The following KAT2B variants were observed in gnomAD, a reference collection of about 807,000 sequenced individuals.
KAT2B encodes the protein histone acetyltransferase KAT2B.
Under a neutral mutation model 105.9 loss-of-function variants are expected in KAT2B, and 36 were observed. That is an observed-to-expected ratio of 0.34 (90% CI 0.26 to 0.45). The LOEUF is 0.45. Among genes scored for constraint, KAT2B ranks in the 20% least tolerant of loss-of-function variants. The pLI, the probability that KAT2B is intolerant of heterozygous loss-of-function variation, is 1.00. For synonymous variants in KAT2B, 397 were observed against 377.9 expected, an observed-to-expected ratio of 1.05 and a Z score of -0.59; for missense variants, 820 against 1,021.6, an observed-to-expected ratio of 0.80 and a Z score of 2.69.
chr3:20,068,099 C>T (rs146392085), intron 1 of KAT2B, among the ~76,000 whole-genome samples: 2,585 of 151,860 alleles, frequency 0.017, 78 homozygotes, highest in African/African-American at 0.059. Flanking sequence ...CGGGTTCAAG[C>T]GATTCTGCTG....
At chr3:20,150,741 A>G (rs904063386) in intron 17 of KAT2B, among the ~76,000 whole-genome samples, 1 of 152,242 alleles carries the variant, frequency 6.6e-6, no homozygotes, top group Non-Finnish European at 1.5e-5. Context: ...AGAAAAGTCC[A>G]GACACCGCCA....
chr3:20,102,750 A>G (rs371030771), intron 5 of KAT2B, among the ~76,000 whole-genome samples: 1 of 152,326 alleles, frequency 6.6e-6, no homozygotes, highest in East Asian at 1.9e-4. Context: ...ATTCTTTTCA[A>G]CTTTTTTATA....
intron 2 of KAT2B, among the ~76,000 whole-genome samples, chr3:20,090,927 T>G (rs527994310): frequency 6.6e-6 from 1 of 152,090 alleles, no homozygotes; most frequent in African/African-American, 2.4e-5. Flanking sequence ...TTTATTTTTA[T>G]TTTTTGTAGA....
chr3:20,127,168 T>C (rs1699420412), intron 10 of KAT2B, among the ~76,000 whole-genome samples: 1 of 152,160 alleles, frequency 6.6e-6, no homozygotes, highest in South Asian at 2.1e-4. Flanking sequence ...TGTTCTCTAT[T>C]TGTAAACCTC....
chr3:20,074,765 A>G (rs547520491), intron 2 of KAT2B, among the ~76,000 whole-genome samples: 1 of 152,170 alleles, frequency 6.6e-6, no homozygotes, highest in Non-Finnish European at 1.5e-5. Flanking sequence ...TGAATCATTT[A>G]GGATTCAACT....
chr3:20,107,514 C>T (rs1471462654), intron 5 of KAT2B, among the ~76,000 whole-genome samples: 1 of 150,898 alleles, frequency 6.6e-6, no homozygotes, highest in African/African-American at 2.4e-5. Flanking sequence ...AAAAATTAGC[C>T]AGGCATGGTG....
At chr3:20,116,820 G>A (rs955261966) in intron 7 of KAT2B, among the ~76,000 whole-genome samples, 18 of 152,168 alleles carry the variant, frequency 1.2e-4, no homozygotes, top group Admixed American at 2.6e-4. Flanking sequence ...GAAGCTCAGG[G>A]AGGAGCAACA....
intron 1 of KAT2B, among the ~76,000 whole-genome samples, chr3:20,062,672 G>T (rs987665666): frequency 6.6e-6 from 1 of 151,732 alleles, no homozygotes; most frequent in Non-Finnish European, 1.5e-5. Context: ...TTGTTTGCCA[G>T]ACTGGTCTTG....
At chr3:20,113,501 G>T (rs74743651) in intron 6 of KAT2B, among the ~76,000 whole-genome samples, 7,965 of 152,254 alleles carry the variant, frequency 0.052, 504 homozygotes, top group South Asian at 0.32. Context: ...GCATGCTTAT[G>T]CTAGGAGCTA....
chr3:20,135,156 A>C (rs542687396), intron 11 of KAT2B, among the ~76,000 whole-genome samples: 5 of 152,188 alleles, frequency 3.3e-5, no homozygotes, highest in African/African-American at 1.2e-4. Flanking sequence ...GTTTTATTCA[A>C]ACTCTCAGTG....
intron 1 of KAT2B, among the ~76,000 whole-genome samples, chr3:20,059,488 C>T (rs761878043): frequency 2.7e-5 from 4 of 147,360 alleles, no homozygotes; most frequent in Admixed American, 6.8e-5. Flanking sequence ...GAGGCCGAGG[C>T]AGGTGGATCA....
At chr3:20,141,547 A>G (rs1467873587) in intron 13 of KAT2B, among the ~76,000 whole-genome samples, 2 of 152,090 alleles carry the variant, frequency 1.3e-5, no homozygotes, top group Admixed American at 6.5e-5. Context: ...TTATTCGTTT[A>G]GTGCACTTTT....
At chr3:20,107,714 T>C (rs1357806969) in intron 5 of KAT2B, among the ~76,000 whole-genome samples, 1 of 150,394 alleles carries the variant, frequency 6.6e-6, no homozygotes, top group Non-Finnish European at 1.5e-5. Flanking sequence ...TTTCACCATG[T>C]AACCATTGTG....
At chr3:20,051,636 T>C (rs974680314) in intron 1 of KAT2B, among the ~76,000 whole-genome samples, 4 of 152,188 alleles carry the variant, frequency 2.6e-5, no homozygotes, top group Admixed American at 6.5e-5. Flanking sequence ...CTGTGTTCTC[T>C]AGAACTACTT....
chr3:20,051,438 TG>T (rs1337254014), intron 1 of KAT2B, among the ~76,000 whole-genome samples: 1 of 152,198 alleles, frequency 6.6e-6, no homozygotes, highest in Non-Finnish European at 1.5e-5. Flanking sequence ...CACTTGTCCC[TG>T]GTTCTGGAAG....
Position 20,147,984 on chromosome 3 carries a change from G to A in KAT2B, c.2141G>A (p.Ser714Asn), listed in dbSNP as rs750075759. The A allele has an allele frequency of 5.0e-6, 8 of 1,613,562 alleles. No homozygotes were observed. In the South Asian group the frequency reaches 8.8e-5, roughly 18 times the overall value. The change falls in exon 15 of 18, where the codon AGT becomes AAT. Residue 714 changes from serine (S) to asparagine (N), a missense_variant. Physicochemically the swap from Ser to Asn is conservative, Grantham distance 46. Transcript: ENST00000263754. ...PGIRETGWKP[S>N]GKEKSKEPRD... ...ATAGGAGAGACAGGCTGGAAACCGA[G>A]TGGAAAAGAGAAAAGGTAAGTATGA...
intron 1 of KAT2B, among the ~76,000 whole-genome samples, chr3:20,041,158 C>G (rs1051003654): frequency 6.6e-6 from 1 of 152,096 alleles, no homozygotes; most frequent in Non-Finnish European, 1.5e-5. Context: ...AAGGAAAAAT[C>G]TTTTGGGGGA....
intron 2 of KAT2B, among the ~76,000 whole-genome samples, chr3:20,092,078 T>G (rs1698728676): frequency 6.6e-6 from 1 of 152,160 alleles, no homozygotes; most frequent in African/African-American, 2.4e-5. Context: ...TATATGTCTG[T>G]TAGGTCCATT....
intron 7 of KAT2B, among the ~76,000 whole-genome samples, chr3:20,116,377 A>G (rs1238430626): frequency 1.3e-5 from 2 of 152,118 alleles, no homozygotes; most frequent in East Asian, 1.9e-4. Flanking sequence ...TTTCTTCCAG[A>G]CTTTCATAGA....
Sources: allele counts gnomAD v4.1 joint callset (sites outside exome capture counted in the v4.1 genomes callset), GRCh38; gene constraint gnomAD v4.1.1; transcripts MANE v1.5; gene names NCBI Gene and HGNC (gene_info 2026-07-23, HGNC 2026-07-21).